Variants in ARL10 observed in about 807,000 individuals in gnomAD.
The protein encoded by ARL10 is ADP-ribosylation factor-like protein 10.
Under a neutral mutation model 26.1 loss-of-function variants are expected in ARL10, and 23 were observed. That is an observed-to-expected ratio of 0.88 (90% CI 0.63 to 1.25). The LOEUF (loss-of-function observed/expected upper bound fraction) is 1.25, where lower values mean the gene tolerates loss of function less well. Among genes scored for constraint, ARL10 ranks in the 50% most tolerant of loss-of-function variants. The pLI is 0.00. For missense variants in ARL10, 300 were observed against 323.6 expected (o/e 0.93, Z 0.56); for synonymous variants, 138 against 149.1 (o/e 0.93, Z 0.54).
At chr5:176,401,098 TGGGCCCTTCTG>T (rs1321479956) in intron 1 of ARL10, among the ~76,000 whole-genome samples, 4 of 152,198 alleles carry the variant, frequency 2.6e-5, no homozygotes, top group Non-Finnish European at 5.9e-5. Flanking sequence ...AACATCCCAG[TGGGCCCTTCTG>T]GGGCCCTTCT....
At chr5:176,384,151 A>C (rs1378371843), downstream of ARL10, 1 of 1,612,852 alleles carries the variant, frequency 6.2e-7, no homozygotes. Flanking sequence ...GCCACACAGC[A>C]CCTCCTTGCC....
chr5:176,400,813 C>A (rs1436693852), intron 1 of ARL10, among the ~76,000 whole-genome samples: 1 of 152,194 alleles, frequency 6.6e-6, no homozygotes, highest in Non-Finnish European at 1.5e-5. Context: ...CCCACCTATC[C>A]TTAGTGCCTG....
intron 1 of ARL10, among the ~76,000 whole-genome samples, chr5:176,397,431 C>T (rs1430252192): frequency 1.4e-5 from 2 of 143,408 alleles, no homozygotes; most frequent in Admixed American, 6.9e-5. Context: ...CCCACAGCTC[C>T]CTCATGTCCC....
rs771585829 is a variant in ARL10, at chr5:176,371,914, G to C, written c.*19G>C. The C allele has an allele frequency of 1.2e-6, 2 of 1,611,282 alleles. No homozygotes were observed. The highest frequency in any genetic ancestry group is 1.1e-5 in the South Asian group (1 of 90,752). ...CTCCTAGGCTGGAGCTCTCCTGCTT[G>C]CCACCTGCCTGTCAAGACCATAGTT... On this transcript the variant is annotated 3_prime_UTR_variant, in exon 4 of 4. Coordinates refer to ENST00000310389, the MANE Select transcript of ARL10 (RefSeq NM_173664.6).
At chr5:176,371,511 G>A (rs1052277871) in intron 3 of ARL10, among the ~76,000 whole-genome samples, 5 of 145,674 alleles carry the variant, frequency 3.4e-5, no homozygotes, top group Admixed American at 6.9e-5. Context: ...TGATATTCCC[G>A]GGGATAGCCT....
chr5:176,392,440 C>G, downstream of ARL10: 1 of 236,872 alleles, frequency 4.2e-6, no homozygotes, highest in East Asian at 8.5e-5. This position sits in a 1 kb window ranked among gnomAD's most constrained non-coding sequence, Gnocchi z 5.2. Context: ...ACAAACCGAG[C>G]CCTGACACCA....
rs946071988 is a variant in ARL10, at chr5:176,371,749, G to A, written c.589G>A (p.Glu197Lys). The A allele has an allele frequency of 6.2e-7, 1 of 1,614,228 alleles. No homozygotes were observed. Among genetic ancestry groups the A allele is most frequent in the Admixed American group, 1.7e-5 (1 of 60,030 alleles). Residue 197 changes from glutamate (E) to lysine (K), a missense_variant, in exon 4 of 4, where the codon GAG becomes AAG. Coordinates refer to ENST00000310389, the MANE Select transcript of ARL10 (RefSeq NM_173664.6). ...QDLSEAMSMG[E>K]LQRELGLQAI... ...CCTGAGCGAGGCCATGAGTATGGGG[G>A]AGCTGCAGCGGGAGCTGGGTCTACA...
chr5:176,389,384 GGCAACAGCCAGC>G (rs1458067551), downstream of ARL10: 1 of 1,613,988 alleles, frequency 6.2e-7, no homozygotes, highest in Non-Finnish European at 8.5e-7. Context: ...CTTCCACCGG[GGCAACAGCCAGC>G]GCTCTCAGCT....
At chr5:176,406,916 G>A in the ARL10 span, among the ~76,000 whole-genome samples, 4 of 152,304 alleles carry the variant, frequency 2.6e-5, no homozygotes, top group African/African-American at 9.6e-5. Context: ...AAAGCACACC[G>A]GGTCGGAGCC....
At chr5:176,388,014 C>CT (rs1756023847) in intron 1 of ARL10, among the ~76,000 whole-genome samples, 1 of 152,038 alleles carries the variant, frequency 6.6e-6, no homozygotes, top group African/African-American at 2.4e-5. Context: ...AGAAAAAAGA[C>CT]TGAGTAGAGG....
downstream of ARL10, chr5:176,388,779 A>T (rs200035572): frequency 1.7e-4 from 265 of 1,600,140 alleles, 2 homozygotes; most frequent in African/African-American, 3.2e-3. Context: ...CGGGAGGCTG[A>T]GGTCGGAGTC....
intron 3 of ARL10, 26 bp from the exon 4 acceptor site, chr5:176,371,696 T>C (rs1395379895): frequency 6.2e-7 from 1 of 1,605,132 alleles, no homozygotes; most frequent in Non-Finnish European, 8.5e-7. Flanking sequence ...CTGCCAGCTG[T>C]GTTCGGACTT....
Position 176,371,888 on chromosome 5 carries a change from T to C in ARL10, c.728T>C (p.Leu243Pro). ...ATCTGGAAACTGCTCTTGGAGCTCCTCTCCTAGGCTGGAGCTCTCCTGCTT... is the reference window on the plus strand; with the variant it reads ...ATCTGGAAACTGCTCTTGGAGCTCCCCTCCTAGGCTGGAGCTCTCCTGCTT... Reference protein sequence around the residue: ...VHIWKLLLELLS With the variant: ...VHIWKLLLELPS The change falls in exon 4 of 4, where the codon CTC becomes CCC. Residue 243 changes from leucine (L) to proline (P), a missense_variant. By Grantham distance (98) the Leu-to-Pro change is moderately conservative. Transcript: ENST00000310389. 1 of 1,613,796 alleles carries C rather than the reference T, an allele frequency of 6.2e-7. No individual in the cohort carries two copies. Among genetic ancestry groups the C allele is most frequent in the African/African-American group, 1.3e-5 (1 of 75,034 alleles).
Position 176,375,565 on chromosome 5 carries a change from T to C in ARL10, c.*3670T>C, listed in dbSNP as rs1213244986. ...CATTTTAGTCTTTGACCTCTGATTATGGGGACTTTCAGGGAAAGCTGTTTG... is the reference window on the plus strand; with the variant it reads ...CATTTTAGTCTTTGACCTCTGATTACGGGGACTTTCAGGGAAAGCTGTTTG... On this transcript the variant is annotated 3_prime_UTR_variant, in exon 4 of 4. Coordinates refer to ENST00000310389, the MANE Select transcript of ARL10 (RefSeq NM_173664.6). The C allele has an allele frequency of 6.6e-6, 1 of 152,196 alleles. No homozygotes were observed. The highest frequency in any genetic ancestry group is 1.5e-5 in the Non-Finnish European group (1 of 68,038). The allele number at this position is 152,196 out of a possible 1,614,324, so 9.4% of individuals were successfully genotyped here.
At chr5:176,389,043 C>T, downstream of ARL10, 2 of 1,573,424 alleles carry the variant, frequency 1.3e-6, no homozygotes, top group South Asian at 1.1e-5. Context: ...TAGAGAAGGA[C>T]CAGAGCGCTA....
At chr5:176,403,359 C>T (rs993795168), downstream of ARL10, among the ~76,000 whole-genome samples, 1 of 151,082 alleles carries the variant, frequency 6.6e-6, no homozygotes, top group African/African-American at 2.4e-5. Context: ...CAAGCCTGCC[C>T]TAAATTAAGA....
At position 176,373,164 on chromosome 5, in the gene ARL10, T is replaced by A. The variant is rs907251314; in HGVS notation, c.*1269T>A. ...GATGGAAAAAAATTGTATTATGTGA[T>A]CCTAAGGACAGGAATAGCAGACCAG... On this transcript the variant is annotated 3_prime_UTR_variant, in exon 4 of 4. Transcript: ENST00000310389. The A allele has an allele frequency of 2.5e-5, 10 of 397,324 alleles. No individual in the cohort carries two copies. Among genetic ancestry groups the A allele is most frequent in the Admixed American group, 1.8e-4 (4 of 22,692 alleles). 24.6% of individuals were successfully genotyped at this position (397,324 alleles called of 1,614,324 possible).
chr5:176,399,114 G>T (rs1165108630), intron 1 of ARL10, among the ~76,000 whole-genome samples: 1 of 152,070 alleles, frequency 6.6e-6, no homozygotes, highest in African/African-American at 2.4e-5. Context: ...CAAGTGCTGG[G>T]ATTACAGGCT....
chr5:176,411,825 CCTT>C, the ARL10 span, among the ~76,000 whole-genome samples: 1 of 152,186 alleles, frequency 6.6e-6, no homozygotes, highest in African/African-American at 2.4e-5. Flanking sequence ...CTGGTTTCCT[CCTT>C]CTCCAAACAC....
Sources: gnomAD v4.1 joint callset for allele counts (sites outside exome capture counted in the v4.1 genomes callset) on GRCh38, gnomAD v4.1.1 for gene constraint, Gnocchi (gnomAD v3.1) non-coding constraint, MANE v1.5 for transcripts, NCBI Gene and HGNC (gene_info 2026-07-23, HGNC 2026-07-21) for gene names.